B4GALNT3: variants seen among roughly 807,000 people sequenced by gnomAD.
B4GALNT3 encodes the protein beta-1,4-N-acetyl-galactosaminyltransferase 3.
A neutral mutation model predicts 120.2 loss-of-function variants in B4GALNT3; 86 were observed. The observed-to-expected ratio is 0.72, with a 90% confidence interval of 0.60 to 0.86. The LOEUF (loss-of-function observed/expected upper bound fraction) is 0.86. B4GALNT3 is among the 40% of genes least tolerant of loss of function. The pLI is 0.00. For synonymous variants in B4GALNT3, 518 were observed against 510.4 expected, an observed-to-expected ratio of 1.01 and a Z score of -0.20; for missense variants, 1,167 against 1,298.9, an observed-to-expected ratio of 0.90 and a Z score of 1.56.
intron 1 of B4GALNT3, among the ~76,000 whole-genome samples, chr12:514,391 G>A (rs1434749976): frequency 6.6e-6 from 1 of 151,728 alleles, no homozygotes; most frequent in Non-Finnish European, 1.5e-5. Flanking sequence ...TAGAGGCGGG[G>A]TTTCACCGTG....
At chr12:511,082 G>T (rs1946544836) in intron 1 of B4GALNT3, among the ~76,000 whole-genome samples, 1 of 131,018 alleles carries the variant, frequency 7.6e-6, no homozygotes, top group Non-Finnish European at 1.5e-5. Context: ...CTGGTGCCCA[G>T]GCTGGAGTGC....
intron 1 of B4GALNT3, among the ~76,000 whole-genome samples, chr12:471,424 A>AAATG (rs1473532658): frequency 7.2e-6 from 1 of 138,958 alleles, no homozygotes; most frequent in Non-Finnish European, 1.5e-5. Context: ...ATAAATAAAT[A>AAATG]GGCTGGGCAC....
chr12:517,479 T>C (rs1946668940), intron 1 of B4GALNT3, among the ~76,000 whole-genome samples: 1 of 152,164 alleles, frequency 6.6e-6, no homozygotes, highest in South Asian at 2.1e-4. Context: ...GACAGGTGTC[T>C]TGTGGGAGGC....
At chr12:477,457 C>A (rs1350125666) in intron 1 of B4GALNT3, among the ~76,000 whole-genome samples, 3 of 152,132 alleles carry the variant, frequency 2.0e-5, no homozygotes, top group African/African-American at 7.2e-5. Context: ...TGGAGAGTAA[C>A]CTGCAAAGAA....
intron 1 of B4GALNT3, among the ~76,000 whole-genome samples, chr12:475,352 T>C (rs1206325363): frequency 6.6e-6 from 1 of 152,166 alleles, no homozygotes; most frequent in East Asian, 1.9e-4. Context: ...TTATTAAATC[T>C]CCTTGCTCTA....
At chr12:463,501 C>G (rs1250992899) in intron 1 of B4GALNT3, among the ~76,000 whole-genome samples, 1 of 152,234 alleles carries the variant, frequency 6.6e-6, no homozygotes, top group Admixed American at 6.5e-5. Flanking sequence ...GGCATTGTGC[C>G]AGGCCGTGTA....
At chr12:516,839 C>G (rs1946661534) in intron 1 of B4GALNT3, among the ~76,000 whole-genome samples, 1 of 151,996 alleles carries the variant, frequency 6.6e-6, no homozygotes. Context: ...ATGTCTAGGA[C>G]TGGAGTGGTG....
At chr12:480,488 C>CTTGAGGT in intron 1 of B4GALNT3, among the ~76,000 whole-genome samples, 2 of 152,362 alleles carry the variant, frequency 1.3e-5, no homozygotes, top group Non-Finnish European at 2.9e-5. Flanking sequence ...CGGCCTGGTT[C>CTTGAGGT]CTGAGGTCCC....
intron 1 of B4GALNT3, among the ~76,000 whole-genome samples, chr12:517,714 G>C (rs1427119865): frequency 6.6e-6 from 1 of 152,034 alleles, no homozygotes; most frequent in Non-Finnish European, 1.5e-5. Context: ...TTATGTACTT[G>C]TCATGTTATC....
At chr12:545,575 G>A (rs1946983422) in intron 6 of B4GALNT3, 106 bp downstream of exon 6, 7 of 1,158,736 alleles carry the variant, frequency 6.0e-6, no homozygotes, top group Non-Finnish European at 8.5e-6. Context: ...TGACAGCGGG[G>A]AAGAAGGGGT....
At chr12:468,413 C>G (rs1013816001) in intron 1 of B4GALNT3, among the ~76,000 whole-genome samples, 2 of 152,152 alleles carry the variant, frequency 1.3e-5, no homozygotes, top group African/African-American at 4.8e-5. Context: ...TAAATTATTA[C>G]GTCTTTCCAT....
At chr12:545,503 GCTC>G in intron 6 of B4GALNT3, 34 bp downstream of exon 6, 1 of 1,550,898 alleles carries the variant, frequency 6.4e-7, no homozygotes, top group Non-Finnish European at 8.8e-7. Flanking sequence ...CCTCCCATCT[GCTC>G]CTGGAGCCTG....
intron 3 of B4GALNT3, among the ~76,000 whole-genome samples, chr12:537,742 G>C (rs1221721536): frequency 6.6e-6 from 1 of 152,098 alleles, no homozygotes; most frequent in Non-Finnish European, 1.5e-5. Flanking sequence ...CTTTAGTCTC[G>C]AGGCCCTGCG....
intron 1 of B4GALNT3, among the ~76,000 whole-genome samples, chr12:508,099 C>T (rs1044780537): frequency 1.3e-5 from 2 of 152,226 alleles, no homozygotes; most frequent in Non-Finnish European, 1.5e-5. Flanking sequence ...GCCCAAGGTC[C>T]CACAGCCAGT....
intron 1 of B4GALNT3, among the ~76,000 whole-genome samples, chr12:518,337 G>A (rs1946676172): frequency 6.6e-6 from 1 of 152,146 alleles, no homozygotes; most frequent in Non-Finnish European, 1.5e-5. Context: ...ATTCCCCATG[G>A]ATACCAAAAT....
At chr12:481,763 G>A (rs1001129453) in intron 1 of B4GALNT3, among the ~76,000 whole-genome samples, 10 of 152,150 alleles carry the variant, frequency 6.6e-5, no homozygotes, top group African/African-American at 1.9e-4. Flanking sequence ...TGGACACAGC[G>A]CTCCAGGTCT....
intron 1 of B4GALNT3, among the ~76,000 whole-genome samples, chr12:500,389 G>A (rs1187614152): frequency 6.6e-6 from 1 of 152,204 alleles, no homozygotes; most frequent in Non-Finnish European, 1.5e-5. Flanking sequence ...AGGTTCATGG[G>A]AGGATCACAT....
At chr12:484,160 C>G (rs1205574577) in intron 1 of B4GALNT3, among the ~76,000 whole-genome samples, 1 of 152,212 alleles carries the variant, frequency 6.6e-6, no homozygotes, top group Non-Finnish European at 1.5e-5. Context: ...CCATCAGGAG[C>G]ACACGATCCC....
rs1264864094 is a variant in B4GALNT3, at chr12:548,170, C to T, written c.787-61C>T. 2 of 1,607,044 alleles carry T rather than the reference C, an allele frequency of 1.2e-6. No homozygotes were observed. The highest frequency in any genetic ancestry group is 2.2e-5 in the East Asian group (1 of 44,852). On this transcript the variant is annotated intron_variant, in intron 8 of 19. Coordinates refer to ENST00000266383, the MANE Select transcript of B4GALNT3 (RefSeq NM_173593.4). This position sits in a 1 kb window ranked among gnomAD's most constrained non-coding sequence, Gnocchi z 4.9. The stretch of plus-strand genomic sequence containing the variant: ...GCACTCATCTCCCCTTGTCCCTTGA[C>T]CCCTGTTGGAAATCCAGCTACCTCC...
Sources: gnomAD v4.1 joint callset for allele counts (sites outside exome capture counted in the v4.1 genomes callset) on GRCh38, gnomAD v4.1.1 for gene constraint, Gnocchi (gnomAD v3.1) non-coding constraint, MANE v1.5 for transcripts, NCBI Gene and HGNC (gene_info 2026-07-23, HGNC 2026-07-21) for gene names.